The following UST variants were observed in gnomAD, a reference collection of about 807,000 sequenced individuals.
UST encodes uronyl 2-sulfotransferase.
A neutral mutation model predicts 45.6 loss-of-function variants in UST; 21 were observed. The ratio of observed to expected loss-of-function variants is 0.46; its 90% CI spans 0.33 to 0.66. UST has a LOEUF of 0.66. Ranked by LOEUF, UST falls within the 30% of genes least tolerant of loss-of-function variation. The probability of loss-of-function intolerance (pLI) is 0.02; values close to 1 mark genes in which losing one functional copy is unlikely to be tolerated. For missense variants in UST, 463 were observed against 512.4 expected, an observed-to-expected ratio of 0.90 and a Z score of 0.93; for synonymous variants, 215 against 200.6, an observed-to-expected ratio of 1.07 and a Z score of -0.61.
rs1271994474 is a variant in UST at position 148,851,284 on chromosome 6, C to CTT, written c.248-35702_248-35701insTT. On this transcript the variant is annotated intron_variant, in intron 1 of 7. Transcript: ENST00000367463. The stretch of plus-strand genomic sequence containing the variant: ...TATGTATAATATATTTGTATACACA[C>CTT]ACATATATATACGTACACATTTACT... Among the ~76,000 whole-genome samples, 751 of 152,238 alleles carry CTT rather than the reference C, an allele frequency of 4.9e-3. 10 individuals are homozygous for CTT. The highest frequency in any genetic ancestry group is 0.016 in the African/African-American group (681 of 41,516).
rs570171251 is a variant in UST, at chr6:148,866,487, A to G, written c.248-20499A>G. On this transcript the variant is annotated intron_variant, in intron 1 of 7. Transcript: ENST00000367463. ...GTTGTTTCCTCGTCTACAAGATGCG[A>G]AAACAACATCCACCTGAAGATTGAA... is the stretch of plus-strand genomic sequence containing the variant. Among the ~76,000 whole-genome samples, 28 of 152,310 alleles carry G rather than the reference A, an allele frequency of 1.8e-4. 1 individual carries two copies. In the East Asian group the frequency reaches 4.8e-3, roughly 26 times the overall value.
intron 1 of UST, among the ~76,000 whole-genome samples, chr6:148,781,665 C>T (rs1413241360): frequency 6.6e-6 from 1 of 152,182 alleles, no homozygotes; most frequent in Non-Finnish European, 1.5e-5. Context: ...ATCTAGGACT[C>T]TAGTTACAGA....
intron 2 of UST, among the ~76,000 whole-genome samples, chr6:148,905,851 G>A (rs1176168510): frequency 1.3e-5 from 2 of 152,182 alleles, no homozygotes; most frequent in Admixed American, 1.3e-4. Flanking sequence ...CACTTAGAAT[G>A]TCACTTCTGA....
intron 5 of UST, among the ~76,000 whole-genome samples, chr6:148,989,270 T>C (rs572571935): frequency 5.6e-5 from 7 of 123,944 alleles, no homozygotes; most frequent in African/African-American, 1.8e-4. Context: ...TCAAAAGGAA[T>C]GGTGAAGATA....
chr6:148,771,237 C>T (rs1199434055), intron 1 of UST, among the ~76,000 whole-genome samples: 1 of 152,192 alleles, frequency 6.6e-6, no homozygotes, highest in Non-Finnish European at 1.5e-5. Context: ...TAATTTCTTG[C>T]TGTTTGGAAA....
intron 5 of UST, among the ~76,000 whole-genome samples, chr6:148,976,916 A>C (rs1482689113): frequency 6.6e-6 from 1 of 152,046 alleles, no homozygotes; most frequent in Non-Finnish European, 1.5e-5. Flanking sequence ...GTTTTGTGTT[A>C]TACTCAGAAG....
chr6:148,880,303 G>C (rs1386764005), intron 1 of UST, among the ~76,000 whole-genome samples: 1 of 152,166 alleles, frequency 6.6e-6, no homozygotes, highest in Non-Finnish European at 1.5e-5. Context: ...AGACTTAGGT[G>C]GTCTTGGACA....
chr6:148,950,202 G>A (rs1457841167), intron 3 of UST, among the ~76,000 whole-genome samples: 1 of 152,178 alleles, frequency 6.6e-6, no homozygotes, highest in African/African-American at 2.4e-5. Context: ...TTCCCCCAGA[G>A]TTCCTTCTAA....
At chr6:148,964,771 A>C in intron 5 of UST, 2 of 621,088 alleles carry the variant, frequency 3.2e-6, no homozygotes, top group African/African-American at 1.8e-5. Context: ...TCCTCAAATT[A>C]TTTTCTGATT....
chr6:148,965,117 C>A (rs2114959578), intron 5 of UST, among the ~76,000 whole-genome samples: 1 of 152,234 alleles, frequency 6.6e-6, no homozygotes. Flanking sequence ...GCGATAGAAC[C>A]CTGTCATTGC....
At chr6:148,853,617 G>C (rs191538735) in intron 1 of UST, among the ~76,000 whole-genome samples, 23 of 152,206 alleles carry the variant, frequency 1.5e-4, no homozygotes, top group African/African-American at 5.1e-4. Context: ...AACCTCACCG[G>C]CATCTGTTCT....
At chr6:148,862,405 T>C (rs1157512164) in intron 1 of UST, among the ~76,000 whole-genome samples, 1 of 152,256 alleles carries the variant, frequency 6.6e-6, no homozygotes, top group Middle Eastern at 3.2e-3. Context: ...GCACATGAGA[T>C]GGGTCTCCTG....
intron 7 of UST, among the ~76,000 whole-genome samples, chr6:149,043,038 TTTCTTTCC>T (rs1456282903): frequency 2.3e-3 from 323 of 140,436 alleles, no homozygotes; most frequent in Middle Eastern, 0.01. Context: ...TCTTTCTTTC[TTTCTTTCC>T]TTCTTTCCTT....
chr6:149,011,964 T>C (rs1562329084), intron 5 of UST, among the ~76,000 whole-genome samples: 1 of 152,228 alleles, frequency 6.6e-6, no homozygotes, highest in Non-Finnish European at 1.5e-5. Flanking sequence ...CAGAAATTCT[T>C]TATCTGCCAT....
At chr6:148,940,034 A>T (rs545123872) in intron 2 of UST, among the ~76,000 whole-genome samples, 1 of 152,254 alleles carries the variant, frequency 6.6e-6, no homozygotes, top group African/African-American at 2.4e-5. Context: ...TTGTAAATGG[A>T]TGATGGATTT....
intron 1 of UST, among the ~76,000 whole-genome samples, chr6:148,784,543 A>G (rs1249837609): frequency 6.6e-6 from 1 of 152,226 alleles, no homozygotes; most frequent in Non-Finnish European, 1.5e-5. Context: ...CTCTGTCTGT[A>G]TCTAAGCTGG....
intron 4 of UST, among the ~76,000 whole-genome samples, chr6:148,958,711 G>T (rs1780579887): frequency 6.6e-6 from 1 of 152,076 alleles, no homozygotes; most frequent in Non-Finnish European, 1.5e-5. Context: ...ATTCAAATTT[G>T]TCTGTCCCCT....
intron 5 of UST, among the ~76,000 whole-genome samples, chr6:148,974,108 C>A: frequency 6.6e-6 from 1 of 152,134 alleles, no homozygotes; most frequent in East Asian, 1.9e-4. Context: ...GAATGTCTGA[C>A]CATTTGTCAC....
chr6:149,004,371 T>C (rs1781607690), intron 5 of UST, among the ~76,000 whole-genome samples: 1 of 152,182 alleles, frequency 6.6e-6, no homozygotes, highest in Non-Finnish European at 1.5e-5. Context: ...GTTATTGAGA[T>C]CAGACTTCCT....
Sources: gnomAD v4.1 joint callset for allele counts (sites outside exome capture counted in the v4.1 genomes callset) on GRCh38, gnomAD v4.1.1 for gene constraint, MANE v1.5 for transcripts, NCBI Gene and HGNC (gene_info 2026-07-23, HGNC 2026-07-21) for gene names.